The following TRAPPC9 variants were observed in gnomAD, a reference collection of about 807,000 sequenced individuals.
TRAPPC9 encodes IKK2 binding protein.
Under a neutral mutation model 124.0 loss-of-function variants are expected in TRAPPC9, and 83 were observed. That is an observed-to-expected ratio of 0.67 (90% CI 0.56 to 0.80). The LOEUF is 0.80. Ranked by LOEUF, TRAPPC9 falls within the 30% of genes least tolerant of loss-of-function variation. The probability of loss-of-function intolerance (pLI) is 0.00; values close to 1 mark genes in which losing one functional copy is unlikely to be tolerated. For missense variants in TRAPPC9, 1,302 were observed against 1,508.3 expected (o/e 0.86, Z 2.27); for synonymous variants, 638 against 617.5 (o/e 1.03, Z -0.49).
At chr8:139,893,105 C>A (rs554706307) in intron 20 of TRAPPC9, among the ~76,000 whole-genome samples, 21 of 150,422 alleles carry the variant, frequency 1.4e-4, no homozygotes, top group African/African-American at 5.3e-4. Flanking sequence ...CAAACCAAGA[C>A]GTGCCGTGTT....
intron 21 of TRAPPC9, among the ~76,000 whole-genome samples, chr8:139,755,635 G>A (rs551053734): frequency 3.3e-5 from 4 of 121,766 alleles, no homozygotes; most frequent in Non-Finnish European, 5.0e-5. Flanking sequence ...ACAGCAGGTC[G>A]CAGGAGGAGC....
At chr8:140,404,474 C>T (rs1313340740) in intron 6 of TRAPPC9, among the ~76,000 whole-genome samples, 5 of 152,078 alleles carry the variant, frequency 3.3e-5, no homozygotes, top group Non-Finnish European at 7.4e-5. Flanking sequence ...ATGACTACAT[C>T]CACATTTTGG....
chr8:140,046,937 C>T lies in TRAPPC9; in HGVS notation c.2557-22858G>A, dbSNP rs547425627. Among the ~76,000 whole-genome samples the T allele has an allele frequency of 4.6e-5, 7 of 152,338 alleles. No individual in the cohort carries two copies. In the East Asian group the frequency reaches 1.3e-3, roughly 29 times the overall value. ...GGACAGATATTCCTTATTCTGTAGG[C>T]CTGTTCTGAGAAATAGAAACGTGTA... On this transcript the variant is annotated intron_variant, in intron 17 of 22. Transcript: ENST00000438773.
intron 17 of TRAPPC9, among the ~76,000 whole-genome samples, chr8:140,180,754 T>A (rs1271625186): frequency 6.6e-6 from 1 of 151,534 alleles, no homozygotes; most frequent in African/African-American, 2.4e-5. Flanking sequence ...CAACAAGAGG[T>A]CTACAATTAT....
chr8:140,100,885 G>A (rs1170293857), intron 17 of TRAPPC9, among the ~76,000 whole-genome samples: 10 of 152,194 alleles, frequency 6.6e-5, no homozygotes, highest in African/African-American at 2.4e-4. Context: ...AGGCGTCAGC[G>A]CTAAAATCCT....
intron 21 of TRAPPC9, among the ~76,000 whole-genome samples, chr8:139,858,704 C>T (rs1354878368): frequency 2.0e-5 from 3 of 152,022 alleles, no homozygotes; most frequent in Non-Finnish European, 4.4e-5. Flanking sequence ...ACCTGCAACA[C>T]AGCCGGCACC....
chr8:140,085,702 C>T (rs56387918), intron 17 of TRAPPC9, among the ~76,000 whole-genome samples: 3,082 of 152,264 alleles, frequency 0.02, 50 homozygotes, highest in Non-Finnish European at 0.025. Context: ...AAGTCATGGA[C>T]GGCAGCAGCC....
chr8:139,821,197 C>T (rs1825228283), intron 21 of TRAPPC9, among the ~76,000 whole-genome samples: 1 of 152,252 alleles, frequency 6.6e-6, no homozygotes, highest in Non-Finnish European at 1.5e-5. Context: ...GAGAAATCCA[C>T]ATGATCAAAG....
chr8:139,933,709 T>C (rs1563932950), intron 19 of TRAPPC9: 1 of 152,288 alleles, frequency 6.6e-6, no homozygotes, highest in Non-Finnish European at 1.5e-5. Flanking sequence ...GGCCAATCCC[T>C]GTCTTGGTTT....
chr8:140,117,174 T>C (rs2060903654), intron 17 of TRAPPC9, among the ~76,000 whole-genome samples: 1 of 152,194 alleles, frequency 6.6e-6, no homozygotes. Flanking sequence ...ACACTAAGAC[T>C]CAGTTTCTCC....
chr8:139,835,134 T>A (rs554558479), intron 21 of TRAPPC9, among the ~76,000 whole-genome samples: 1 of 152,234 alleles, frequency 6.6e-6, no homozygotes, highest in East Asian at 1.9e-4. Flanking sequence ...GTGAATCACC[T>A]CTCCTCTTGG....
chr8:140,200,929 TC>T (rs1462226311), intron 17 of TRAPPC9, among the ~76,000 whole-genome samples: 2 of 152,226 alleles, frequency 1.3e-5, no homozygotes, highest in African/African-American at 4.8e-5. Context: ...AACTCTCTGT[TC>T]CATCTTTGCA....
chr8:140,121,391 A>C (rs1408196100), intron 17 of TRAPPC9, among the ~76,000 whole-genome samples: 1 of 152,240 alleles, frequency 6.6e-6, no homozygotes, highest in Admixed American at 6.5e-5. Flanking sequence ...AACTTGGTTT[A>C]TCTAAGGAGT....
intron 5 of TRAPPC9, among the ~76,000 whole-genome samples, chr8:140,414,788 C>G (rs1276897199): frequency 6.6e-6 from 1 of 152,008 alleles, no homozygotes; most frequent in Non-Finnish European, 1.5e-5. Context: ...GTCCCCCAGT[C>G]TGGAGTGCAG....
chr8:139,732,427 G>A (rs1282082807), intron 21 of TRAPPC9, among the ~76,000 whole-genome samples: 1 of 152,240 alleles, frequency 6.6e-6, no homozygotes, highest in Non-Finnish European at 1.5e-5. Context: ...TATGACTCAA[G>A]GGGTCTGCAC....
chr8:140,245,453 CTT>C (rs1046076567), intron 16 of TRAPPC9, among the ~76,000 whole-genome samples: 30 of 137,912 alleles, frequency 2.2e-4, no homozygotes, highest in African/African-American at 8.0e-4. Flanking sequence ...CTTTTCATCT[CTT>C]TGTTTTGTGG....
At chr8:140,054,635 A>G (rs568730079) in intron 17 of TRAPPC9, among the ~76,000 whole-genome samples, 2 of 152,296 alleles carry the variant, frequency 1.3e-5, no homozygotes, top group South Asian at 2.1e-4. Context: ...GCTAAAATTG[A>G]CAAGCCTTTA....
intron 21 of TRAPPC9, among the ~76,000 whole-genome samples, chr8:139,879,365 C>T (rs1587076495): frequency 6.6e-6 from 1 of 152,296 alleles, no homozygotes; most frequent in Non-Finnish European, 1.5e-5. Flanking sequence ...CACACGTGCT[C>T]CCAGTGGGCC....
chr8:140,009,109 T>C (rs550769599), intron 18 of TRAPPC9, among the ~76,000 whole-genome samples: 5 of 152,120 alleles, frequency 3.3e-5, no homozygotes, highest in Admixed American at 6.5e-5. Context: ...AGAAGCATAA[T>C]GGAATTGGAC....
Sources: allele counts gnomAD v4.1 joint callset (sites outside exome capture counted in the v4.1 genomes callset), GRCh38; gene constraint gnomAD v4.1.1; transcripts MANE v1.5; gene names NCBI Gene and HGNC (gene_info 2026-07-23, HGNC 2026-07-21).